RAPGEF5: variants seen among roughly 807,000 people sequenced by gnomAD.
The protein encoded by RAPGEF5 is Rap guanine nucleotide exchange factor 5, also known as M-Ras-regulated GEF.
Under a neutral mutation model 125.2 loss-of-function variants are expected in RAPGEF5, and 65 were observed. The observed-to-expected ratio is 0.52, with a 90% CI of 0.43 to 0.64. The LOEUF (loss-of-function observed/expected upper bound fraction) is 0.64. Ranked by LOEUF, RAPGEF5 falls within the 30% of genes least tolerant of loss-of-function variation. The probability of loss-of-function intolerance (pLI) is 0.00; values close to 1 mark genes in which losing one functional copy is unlikely to be tolerated. For missense variants in RAPGEF5, 958 were observed against 1,048.1 expected (o/e 0.91, Z 1.19); for synonymous variants, 391 against 385.9 (o/e 1.01, Z -0.16).
At chr7:22,285,783 G>C (rs1782782494) in intron 6 of RAPGEF5, among the ~76,000 whole-genome samples, 1 of 152,184 alleles carries the variant, frequency 6.6e-6, no homozygotes, top group Non-Finnish European at 1.5e-5. Flanking sequence ...TTTCTCAGAG[G>C]AGGGATACCT....
rs189061387 is a variant in RAPGEF5 at position 22,316,634 on chromosome 7, G to T, written c.283-1158C>A. Among the ~76,000 whole-genome samples the T allele has an allele frequency of 4.4e-3, 660 of 150,908 alleles. 7 individuals carry two copies. The highest frequency in any genetic ancestry group is 0.016 in the African/African-American group (640 of 41,100). On this transcript the variant is annotated intron_variant, in intron 2 of 25. Coordinates refer to ENST00000665637, the MANE Select transcript of RAPGEF5 (RefSeq NM_012294.5). Reference sequence around the variant, plus strand: ...GCCTCCTAAGTAGCTGGAACTACAAGCACACACCATCAAGCCCAGCTAATA... The same window carrying T: ...GCCTCCTAAGTAGCTGGAACTACAATCACACACCATCAAGCCCAGCTAATA...
At chr7:22,175,747 A>G (rs1784483957) in intron 11 of RAPGEF5, among the ~76,000 whole-genome samples, 3 of 152,234 alleles carry the variant, frequency 2.0e-5, no homozygotes, top group South Asian at 2.1e-4. Context: ...TAATTTAAAC[A>G]TAATATCCTA....
intron 1 of RAPGEF5, among the ~76,000 whole-genome samples, chr7:22,320,911 A>G (rs1178600086): frequency 6.6e-6 from 1 of 152,136 alleles, no homozygotes; most frequent in Non-Finnish European, 1.5e-5. Flanking sequence ...GCAATCTTAG[A>G]TGGCTGGTCA....
intron 24 of RAPGEF5, among the ~76,000 whole-genome samples, chr7:22,126,596 T>C (rs766336926): frequency 6.6e-6 from 1 of 152,140 alleles, no homozygotes; most frequent in Non-Finnish European, 1.5e-5. Flanking sequence ...AAGATGAACA[T>C]TTTCTAAAAC....
chr7:22,135,961 T>C, intron 23 of RAPGEF5, 77 bp downstream of exon 23: 1 of 1,169,154 alleles, frequency 8.6e-7, no homozygotes, highest in Non-Finnish European at 1.2e-6. Flanking sequence ...TGAGAGTCCC[T>C]TTTTTGCCCT....
Position 22,154,763 on chromosome 7 carries a change from T to A in RAPGEF5, c.1637-159A>T, listed in dbSNP as rs150180401. Among the ~76,000 whole-genome samples the A allele has an allele frequency of 2.0e-3, 299 of 152,280 alleles. 1 individual carries two copies. Among genetic ancestry groups the A allele is most frequent in the African/African-American group, 6.9e-3 (285 of 41,560 alleles). ...GAGTTAGATTTTTTATATATGTACA[T>A]GAGCACCTGAGGGTATACGTCTATA... is the stretch of plus-strand genomic sequence containing the variant. On this transcript the variant is annotated intron_variant, in intron 16 of 25. Transcript: ENST00000665637.
chr7:22,322,503 G>T (rs189652922), intron 1 of RAPGEF5, among the ~76,000 whole-genome samples: 1 of 151,894 alleles, frequency 6.6e-6, no homozygotes, highest in Non-Finnish European at 1.5e-5. Context: ...CTATGAGGTA[G>T]GTATTATAAT....
At chr7:22,339,917 C>T (rs546082527) in intron 1 of RAPGEF5, among the ~76,000 whole-genome samples, 1 of 152,308 alleles carries the variant, frequency 6.6e-6, no homozygotes, top group East Asian at 1.9e-4. Flanking sequence ...TCTCCACCCC[C>T]TAAAGCAGAC....
At chr7:22,277,519 C>T (rs1282383023) in intron 6 of RAPGEF5, among the ~76,000 whole-genome samples, 1 of 152,176 alleles carries the variant, frequency 6.6e-6, no homozygotes, top group Non-Finnish European at 1.5e-5. Context: ...CACAAGGCCT[C>T]GTGTAAGGCC....
intron 11 of RAPGEF5, among the ~76,000 whole-genome samples, chr7:22,169,146 C>T (rs748023757): frequency 1.3e-5 from 2 of 152,122 alleles, no homozygotes; most frequent in South Asian, 2.1e-4. Context: ...GCTGTGGTGG[C>T]GTGCCTGATC....
chr7:22,288,172 C>T (rs1453110636), intron 6 of RAPGEF5, among the ~76,000 whole-genome samples: 1 of 152,122 alleles, frequency 6.6e-6, no homozygotes, highest in East Asian at 1.9e-4. Context: ...ATAAACCATT[C>T]AGTTATTTCC....
chr7:22,244,416 C>A (rs1459866942), intron 7 of RAPGEF5, among the ~76,000 whole-genome samples: 1 of 152,094 alleles, frequency 6.6e-6, no homozygotes, highest in Non-Finnish European at 1.5e-5. Flanking sequence ...CTGAGCTCTA[C>A]CTCCTGTCGG....
chr7:22,273,482 T>C (rs564701579), intron 6 of RAPGEF5, among the ~76,000 whole-genome samples: 13 of 151,620 alleles, frequency 8.6e-5, no homozygotes, highest in African/African-American at 3.1e-4. Context: ...CCTCCCAAAG[T>C]GCTGGGATTA....
chr7:22,196,856 A>G (rs1396268746), intron 9 of RAPGEF5, among the ~76,000 whole-genome samples: 2 of 152,244 alleles, frequency 1.3e-5, no homozygotes, highest in Non-Finnish European at 2.9e-5. Flanking sequence ...GCCTCTGGAC[A>G]AAGGTCAAGG....
chr7:22,133,278 G>A (rs1455478020), intron 23 of RAPGEF5, among the ~76,000 whole-genome samples: 1 of 152,204 alleles, frequency 6.6e-6, no homozygotes, highest in Non-Finnish European at 1.5e-5. Flanking sequence ...GCTGGAAGGT[G>A]CTGCAGTCCG....
chr7:22,308,325 G>C lies in RAPGEF5; in HGVS notation c.680+14C>G. 11 of 1,573,432 alleles carry C rather than the reference G, an allele frequency of 7.0e-6. No homozygotes were observed. Among genetic ancestry groups the C allele is most frequent in the African/African-American group, 1.3e-5 (1 of 74,194 alleles). On this transcript the variant is annotated intron_variant, in intron 5 of 25. Transcript: ENST00000665637. ...AGTGTAAGAATACAATGGCACAAGAGAGCATCTACTTACAGTTCACAGATG... is the reference window on the plus strand; with the variant it reads ...AGTGTAAGAATACAATGGCACAAGACAGCATCTACTTACAGTTCACAGATG...
intron 1 of RAPGEF5, among the ~76,000 whole-genome samples, chr7:22,345,163 A>G (rs1444308355): frequency 6.6e-6 from 1 of 152,172 alleles, no homozygotes; most frequent in African/African-American, 2.4e-5. Flanking sequence ...CCCACCCTTC[A>G]CCGCAGCCTG....
intron 24 of RAPGEF5, among the ~76,000 whole-genome samples, chr7:22,125,880 G>A (rs889148567): frequency 4.6e-5 from 7 of 152,198 alleles, no homozygotes; most frequent in Non-Finnish European, 1.0e-4. Flanking sequence ...GGGTGAGGTG[G>A]CTCTCACCTG....
intron 9 of RAPGEF5, among the ~76,000 whole-genome samples, chr7:22,211,963 C>CTTTTTTT (rs749576250): frequency 8.7e-6 from 1 of 114,362 alleles, no homozygotes; most frequent in Non-Finnish European, 1.7e-5. Flanking sequence ...CATGTGTTCT[C>CTTTTTTT]TTTTTTTTTT....
Sources: allele counts gnomAD v4.1 joint callset (sites outside exome capture counted in the v4.1 genomes callset), GRCh38; gene constraint gnomAD v4.1.1; transcripts MANE v1.5; gene names NCBI Gene and HGNC (gene_info 2026-07-23, HGNC 2026-07-21).